The following RMDN2 variants were observed in gnomAD, a reference collection of about 807,000 sequenced individuals.
The protein encoded by RMDN2 is regulator of microtubule dynamics protein 2.
In RMDN2, 61 loss-of-function variants were observed where a neutral mutation model predicts 52.8. That is an observed-to-expected ratio of 1.16 (90% CI 0.94 to 1.43). RMDN2 has a LOEUF of 1.43. Among genes scored for constraint, RMDN2 ranks in the 40% most tolerant of loss-of-function variants. The probability of loss-of-function intolerance (pLI) is 0.00; values close to 1 mark genes in which losing one functional copy is unlikely to be tolerated. For synonymous variants in RMDN2, 180 were observed against 153.1 expected, an observed-to-expected ratio of 1.18 and a Z score of -1.30; for missense variants, 592 against 475.3, an observed-to-expected ratio of 1.25 and a Z score of -2.28.
intron 10 of RMDN2, among the ~76,000 whole-genome samples, chr2:38,047,977 A>C (rs1346715495): frequency 1.3e-5 from 2 of 152,198 alleles, no homozygotes; most frequent in African/African-American, 4.8e-5. Flanking sequence ...GATCACTCTG[A>C]CTTTAATCAG....
intron 10 of RMDN2, among the ~76,000 whole-genome samples, chr2:38,013,434 C>G (rs1573096231): frequency 1.3e-5 from 2 of 152,268 alleles, no homozygotes; most frequent in East Asian, 3.9e-4. Context: ...TTACCAGAAA[C>G]AAACCACAAA....
chr2:38,042,424 C>CACACACACCA (rs60274936), intron 10 of RMDN2, among the ~76,000 whole-genome samples: 1 of 100,734 alleles, frequency 9.9e-6, no homozygotes, highest in Non-Finnish European at 2.8e-5. Context: ...CACACACACA[C>CACACACACCA]CACACACACA....
intron 10 of RMDN2, among the ~76,000 whole-genome samples, chr2:38,050,021 C>T (rs182555515): frequency 1.3e-5 from 2 of 152,268 alleles, no homozygotes; most frequent in African/African-American, 4.8e-5. Context: ...ATATTTGCAA[C>T]AATCAATGAA....
At chr2:37,965,158 A>G (rs1387910808) in intron 2 of RMDN2, among the ~76,000 whole-genome samples, 3 of 152,128 alleles carry the variant, frequency 2.0e-5, no homozygotes, top group Non-Finnish European at 4.4e-5. Context: ...ATATCGTTAA[A>G]TCCCAATTTT....
At chr2:37,944,383 C>G (rs563751913) in intron 2 of RMDN2, among the ~76,000 whole-genome samples, 1 of 151,640 alleles carries the variant, frequency 6.6e-6, no homozygotes, top group African/African-American at 2.4e-5. Context: ...CAGTCTCCGT[C>G]TCAAAACTCT....
chr2:37,993,727 C>G (rs1271094009), intron 7 of RMDN2, among the ~76,000 whole-genome samples: 2 of 111,926 alleles, frequency 1.8e-5, no homozygotes, highest in African/African-American at 7.1e-5. Context: ...AAGACTGCCA[C>G]AATATATCTG....
chr2:38,010,725 C>T (rs780491290), intron 10 of RMDN2, among the ~76,000 whole-genome samples: 10 of 152,174 alleles, frequency 6.6e-5, no homozygotes, highest in South Asian at 6.2e-4. Context: ...GTCCTGCACC[C>T]GCTTTCTGAC....
At chr2:37,926,787 T>C (rs1017315120) in intron 1 of RMDN2, among the ~76,000 whole-genome samples, 3 of 152,146 alleles carry the variant, frequency 2.0e-5, no homozygotes, top group African/African-American at 4.8e-5. Flanking sequence ...AATGTAAAAA[T>C]TAGCCGGGCG....
chr2:37,972,091 A>G lies in RMDN2; in HGVS notation c.453-1949A>G, dbSNP rs186011654. The stretch of plus-strand genomic sequence containing the variant: ...TCTTTTGTTAGATTTATTCCTAGCC[A>G]TTTGATATTCTCTGAGGTCACTGCA... On this transcript the variant is annotated intron_variant, in intron 2 of 10. Coordinates refer to ENST00000354545, the MANE Select transcript of RMDN2 (RefSeq NM_001170791.3). 3.9e-4 allele frequency among the ~76,000 whole-genome samples: 59 copies of G among 152,210 alleles called. No homozygotes were observed. In the East Asian group the frequency reaches 9.6e-3, roughly 25 times the overall value.
chr2:37,946,444 C>G (rs1668228605), intron 2 of RMDN2, among the ~76,000 whole-genome samples: 1 of 152,300 alleles, frequency 6.6e-6, no homozygotes, highest in South Asian at 2.1e-4. Flanking sequence ...ATTTACGTGT[C>G]TTAGGACTTT....
At chr2:37,945,381 A>G (rs925605134) in intron 2 of RMDN2, among the ~76,000 whole-genome samples, 2 of 152,156 alleles carry the variant, frequency 1.3e-5, no homozygotes, top group Non-Finnish European at 2.9e-5. Flanking sequence ...CTTACATGCT[A>G]TTGGTCATGG....
chr2:37,961,687 T>G (rs1403300400), intron 2 of RMDN2, among the ~76,000 whole-genome samples: 1 of 152,074 alleles, frequency 6.6e-6, no homozygotes, highest in Non-Finnish European at 1.5e-5. Context: ...GAAGCCTACT[T>G]CTGTCAACTT....
chr2:37,993,772 G>A (rs546400280), intron 7 of RMDN2, among the ~76,000 whole-genome samples: 1 of 149,330 alleles, frequency 6.7e-6, no homozygotes, highest in African/African-American at 2.5e-5. Context: ...TGGGGGGTGG[G>A]GGGGAGATGA....
At chr2:37,965,985 T>G (rs1388657514) in intron 2 of RMDN2, among the ~76,000 whole-genome samples, 1 of 152,196 alleles carries the variant, frequency 6.6e-6, no homozygotes, top group African/African-American at 2.4e-5. Flanking sequence ...TGCTGATGAT[T>G]TTATTGAGGA....
In RMDN2 at chr2:37,978,493, T is replaced by C. The variant is rs578010432; in HGVS notation, c.731-2790T>C. ...GGAGGCAGCACTAGTCAAATAATCATACATATACAAAAACGAATGGAAATA... is the reference window on the plus strand; with the variant it reads ...GGAGGCAGCACTAGTCAAATAATCACACATATACAAAAACGAATGGAAATA... On this transcript the variant is annotated intron_variant, in intron 4 of 10. Transcript: ENST00000354545. 5.3e-5 allele frequency among the ~76,000 whole-genome samples: 8 copies of C among 152,222 alleles called. No individual in the cohort carries two copies. In the South Asian group the frequency reaches 1.7e-3, roughly 32 times the overall value.
intron 2 of RMDN2, among the ~76,000 whole-genome samples, chr2:37,945,806 CAG>C (rs949998824): frequency 5.9e-5 from 9 of 152,164 alleles, no homozygotes; most frequent in African/African-American, 2.2e-4. Context: ...TGGTCAGGGA[CAG>C]AGTCTATACA....
intron 2 of RMDN2, 138 bp from the exon 3 acceptor site, chr2:37,973,902 C>G: frequency 1.5e-6 from 1 of 648,884 alleles, no homozygotes; most frequent in Non-Finnish European, 2.6e-6. Flanking sequence ...AGGACTGGAG[C>G]TTTTTCTGAG....
At chr2:38,048,887 A>G (rs551024560) in intron 10 of RMDN2, among the ~76,000 whole-genome samples, 2 of 152,230 alleles carry the variant, frequency 1.3e-5, no homozygotes, top group African/African-American at 4.8e-5. Context: ...TGCACAAAAG[A>G]TTTTAAATAT....
chr2:37,933,758 C>T (rs999924834), intron 2 of RMDN2, among the ~76,000 whole-genome samples: 11 of 149,500 alleles, frequency 7.4e-5, no homozygotes, highest in African/African-American at 2.8e-4. Context: ...AGAGGGAGAC[C>T]GTGGAAAGAG....
Sources: gnomAD v4.1 joint callset for allele counts (sites outside exome capture counted in the v4.1 genomes callset) on GRCh38, gnomAD v4.1.1 for gene constraint, MANE v1.5 for transcripts, NCBI Gene and HGNC (gene_info 2026-07-23, HGNC 2026-07-21) for gene names.